Variants in PTPRG observed in about 807,000 individuals in gnomAD.
The protein encoded by PTPRG is protein tyrosine phosphatase receptor type G, also known as receptor-type tyrosine-protein phosphatase gamma.
Under a neutral mutation model 165.3 loss-of-function variants are expected in PTPRG, and 102 were observed. The observed-to-expected ratio is 0.62, with a 90% CI of 0.53 to 0.73. The LOEUF (loss-of-function observed/expected upper bound fraction) is 0.73, where lower values mean the gene tolerates loss of function less well. Among genes scored for constraint, PTPRG ranks in the 30% least tolerant of loss-of-function variants. The pLI, the probability that PTPRG is intolerant of heterozygous loss-of-function variation, is 0.00. For missense variants in PTPRG, 1,866 were observed against 1,861.4 expected, an observed-to-expected ratio of 1.00 and a Z score of -0.05; for synonymous variants, 675 against 669.5, an observed-to-expected ratio of 1.01 and a Z score of -0.13.
chr3:62,086,661 G>C (rs963639179), intron 5 of PTPRG, among the ~76,000 whole-genome samples: 1 of 152,162 alleles, frequency 6.6e-6, no homozygotes, highest in African/African-American at 2.4e-5. Flanking sequence ...ATTTCAGAAT[G>C]TTTTGGGTTG....
chr3:61,631,679 C>G lies in PTPRG; in HGVS notation c.85+69307C>G, dbSNP rs555137571. 6.8e-4 allele frequency among the ~76,000 whole-genome samples: 104 copies of G among 152,220 alleles called. 1 individual carries two copies. The highest frequency in any genetic ancestry group is 2.4e-3 in the African/African-American group (100 of 41,544). ...AATCCATGTTGCCAAAGTTTTTAAGCTCTGTGTTTTCAAAAGTAGTTTAAA... is the reference window on the plus strand; with the variant it reads ...AATCCATGTTGCCAAAGTTTTTAAGGTCTGTGTTTTCAAAAGTAGTTTAAA... On this transcript the variant is annotated intron_variant, in intron 1 of 29. Coordinates refer to ENST00000474889, the MANE Select transcript of PTPRG (RefSeq NM_002841.4).
At chr3:62,158,660 T>TC (rs1407882352) in intron 7 of PTPRG, among the ~76,000 whole-genome samples, 2 of 152,194 alleles carry the variant, frequency 1.3e-5, no homozygotes, top group African/African-American at 4.8e-5. Flanking sequence ...TGGGGCAGGT[T>TC]CCCTAGAAGA....
At chr3:62,096,957 A>C (rs894461528) in intron 5 of PTPRG, among the ~76,000 whole-genome samples, 1 of 152,218 alleles carries the variant, frequency 6.6e-6, no homozygotes, top group East Asian at 1.9e-4. Flanking sequence ...AAATGTACAC[A>C]GTTTACTAGC....
At position 62,293,181 on chromosome 3, in the gene PTPRG, T is replaced by C. The variant is rs1293693363; in HGVS notation, c.4212T>C (p.Tyr1404=). The C allele has an allele frequency of 1.3e-6, 2 of 1,598,928 alleles. No homozygotes were observed. Among genetic ancestry groups the C allele is most frequent in the African/African-American group, 1.3e-5 (1 of 74,092 alleles). ...FTDIEQYQFI[Y]KAMLSLVSTK... Reference sequence around the variant, plus strand: ...TTCAGGAACAATACCAGTTCATCTATAAAGCAATGCTTAGCTTGGTCAGCA... The same window carrying C: ...TTCAGGAACAATACCAGTTCATCTACAAAGCAATGCTTAGCTTGGTCAGCA... Residue 1404 remains tyrosine (Y), a synonymous_variant, in exon 30 of 30, where the codon TAT becomes TAC. Transcript: ENST00000474889.
intron 2 of PTPRG, among the ~76,000 whole-genome samples, chr3:61,912,480 T>C (rs1179782756): frequency 2.0e-5 from 3 of 152,218 alleles, no homozygotes; most frequent in Non-Finnish European, 2.9e-5. Flanking sequence ...GCTTCACTTA[T>C]GTATGACTTA....
At chr3:61,663,799 G>C (rs1454932646) in intron 1 of PTPRG, among the ~76,000 whole-genome samples, 1 of 152,076 alleles carries the variant, frequency 6.6e-6, no homozygotes, top group South Asian at 2.1e-4. Flanking sequence ...TCCCTCACGT[G>C]CACAGCCCAT....
intron 2 of PTPRG, among the ~76,000 whole-genome samples, chr3:61,926,823 C>T (rs975918215): frequency 6.6e-6 from 1 of 151,790 alleles, no homozygotes; most frequent in Non-Finnish European, 1.5e-5. Flanking sequence ...TTTAGAGGAT[C>T]CTCTTTACTC....
intron 2 of PTPRG, among the ~76,000 whole-genome samples, chr3:61,904,284 T>C (rs544995596): frequency 4.8e-4 from 73 of 152,298 alleles, no homozygotes; most frequent in Non-Finnish European, 4.3e-4. Flanking sequence ...TGGGTTTTTT[T>C]CTCAGGACTC....
At chr3:62,278,878 A>G (rs1026016254) in intron 26 of PTPRG, among the ~76,000 whole-genome samples, 3 of 152,076 alleles carry the variant, frequency 2.0e-5, no homozygotes. Flanking sequence ...TGGATGAATC[A>G]GTATTTTGTT....
intron 5 of PTPRG, among the ~76,000 whole-genome samples, chr3:62,080,477 TC>T (rs1349114775): frequency 6.6e-6 from 1 of 152,138 alleles, no homozygotes; most frequent in African/African-American, 2.4e-5. Context: ...CACCTGGTTT[TC>T]TGTCATCGTT....
At chr3:62,276,900 T>G in intron 24 of PTPRG, 72 bp from the exon 25 acceptor site, 1 of 1,162,566 alleles carries the variant, frequency 8.6e-7, no homozygotes, top group East Asian at 2.4e-5. Context: ...ATCAAGCAAA[T>G]CTCAGAAAGA....
chr3:61,658,709 C>G (rs1387055850), intron 1 of PTPRG, among the ~76,000 whole-genome samples: 1 of 152,170 alleles, frequency 6.6e-6, no homozygotes, highest in African/African-American at 2.4e-5. Context: ...GTTCACTGCT[C>G]TGTCTCAGCA....
chr3:61,701,420 C>T (rs1451198408), intron 1 of PTPRG, among the ~76,000 whole-genome samples: 1 of 152,134 alleles, frequency 6.6e-6, no homozygotes, highest in Non-Finnish European at 1.5e-5. Flanking sequence ...GCTCGGGTCA[C>T]ATTTTCTTAT....
At chr3:61,907,243 A>G (rs112819205) in intron 2 of PTPRG, among the ~76,000 whole-genome samples, 4 of 152,256 alleles carry the variant, frequency 2.6e-5, no homozygotes, top group African/African-American at 7.2e-5. Context: ...CTTGCTAAGA[A>G]AAGCTCGAGG....
intron 2 of PTPRG, among the ~76,000 whole-genome samples, chr3:61,753,411 AAAGTAT>A (rs2033519745): frequency 6.6e-6 from 1 of 152,144 alleles, no homozygotes; most frequent in Non-Finnish European, 1.5e-5. Flanking sequence ...TTACTCAGTT[AAAGTAT>A]ATTTCTGTCT....
At chr3:61,939,893 G>A (rs1329727440) in intron 2 of PTPRG, among the ~76,000 whole-genome samples, 2 of 142,200 alleles carry the variant, frequency 1.4e-5, no homozygotes, top group Non-Finnish European at 3.0e-5. Flanking sequence ...AGAAGTATTG[G>A]TGGGGTCCAT....
intron 5 of PTPRG, among the ~76,000 whole-genome samples, chr3:62,079,019 A>G (rs1173586877): frequency 6.6e-6 from 1 of 152,228 alleles, no homozygotes; most frequent in Non-Finnish European, 1.5e-5. Context: ...TAGCGACTAC[A>G]TAAAGGTGTT....
chr3:62,216,646 G>A (rs1576147110), intron 12 of PTPRG, among the ~76,000 whole-genome samples: 1 of 151,150 alleles, frequency 6.6e-6, no homozygotes, highest in East Asian at 2.0e-4. Flanking sequence ...CCAGCCACCA[G>A]AGCTCTGCTA....
At chr3:61,804,405 G>A (rs2035347342) in intron 2 of PTPRG, among the ~76,000 whole-genome samples, 3 of 152,112 alleles carry the variant, frequency 2.0e-5, no homozygotes, top group African/African-American at 7.2e-5. Context: ...TTTGTAAAGG[G>A]ATGTAATCTC....
Sources: allele counts gnomAD v4.1 joint callset (sites outside exome capture counted in the v4.1 genomes callset), GRCh38; gene constraint gnomAD v4.1.1; transcripts MANE v1.5; gene names NCBI Gene and HGNC (gene_info 2026-07-23, HGNC 2026-07-21).